The following ZNF814 variants were observed in gnomAD, a reference collection of about 807,000 sequenced individuals.
ZNF814 encodes the protein zinc finger protein 814.
Under a neutral mutation model 7.5 loss-of-function variants are expected in ZNF814, and 5 were observed. The ratio of observed to expected loss-of-function variants is 0.67; its 90% confidence interval spans 0.35 to 1.40. ZNF814 has a LOEUF of 1.40. Among genes scored for constraint, ZNF814 ranks in the 40% most tolerant of loss-of-function variants. The pLI is 0.04. For missense variants in ZNF814, 962 were observed against 1,018.0 expected, an observed-to-expected ratio of 0.94 and a Z score of 0.75; for synonymous variants, 315 against 340.7, an observed-to-expected ratio of 0.92 and a Z score of 0.83.
Position 57,873,949 on chromosome 19 carries a change from G to A in ZNF814, c.1441C>T (p.His481Tyr), listed in dbSNP as rs1282829568. 6 of 1,613,398 alleles carry A rather than the reference G, an allele frequency of 3.7e-6. No individual in the cohort carries two copies. The highest frequency in any genetic ancestry group is 5.1e-6 in the Non-Finnish European group (6 of 1,179,798). Residue 481 changes from histidine to tyrosine, a missense_variant, in exon 3 of 3, where the codon CAC becomes TAC. Transcript: ENST00000435989. Reference protein sequence around the residue: ...KSFSHKRSLVHHQRVHSGERP... With the variant: ...KSFSHKRSLVYHQRVHSGERP... ...TCTCCACTGTGAACTCGCTGATGGT[G>A]AACAAGGCTGCGCTTATGACTGAAA...
rs1207214304 is a variant in ZNF814, at chr19:57,872,040, AG to A, written c.*781del. Among the ~76,000 whole-genome samples, 3 of 152,096 alleles carry A rather than the reference AG, an allele frequency of 2.0e-5. No individual in the cohort carries two copies. The highest frequency in any genetic ancestry group is 7.2e-5 in the African/African-American group (3 of 41,418). On this transcript the variant is annotated 3_prime_UTR_variant, in exon 3 of 3. Transcript: ENST00000435989. The stretch of plus-strand genomic sequence containing the variant: ...AACAGAATCACTTAAGCCCAGATCA[AG>A]GGTGCAGTGAAATGTGAACACACCA...
At chr19:57,886,095 G>A (rs1243631356) in intron 1 of ZNF814, 1 of 150,874 alleles carries the variant, frequency 6.6e-6, no homozygotes, top group Non-Finnish European at 1.5e-5. Context: ...AAAAAATAAA[G>A]AGTCCCACAA....
chr19:57,875,339 A>C, intron 2 of ZNF814, 113 bp from the exon 3 acceptor site: 1 of 1,607,304 alleles, frequency 6.2e-7, no homozygotes, highest in South Asian at 1.1e-5. Context: ...TACTTGGAGG[A>C]ACAGGATGTT....
At position 57,874,114 on chromosome 19, in the gene ZNF814, G is replaced by A. The variant is rs761897245; in HGVS notation, c.1276C>T (p.His426Tyr). 7 of 1,600,012 alleles carry A rather than the reference G, an allele frequency of 4.4e-6. No homozygotes were observed. The highest frequency in any genetic ancestry group is 6.0e-6 in the Non-Finnish European group (7 of 1,173,182). The change falls in exon 3 of 3, where the codon CAT becomes TAT. Residue 426 changes from histidine to tyrosine, a missense_variant. Physicochemically the swap from His to Tyr is moderately conservative, Grantham distance 83. Around this residue, in one of 7 missense-constraint regions of ZNF814, gnomAD observed 665 missense variants for 551.4 expected, o/e 1.21. Transcript: ENST00000435989. Reference protein sequence around the residue: ...SFSQKSSLIQHQRFHTGEKPY... With the variant: ...SFSQKSSLIQYQRFHTGEKPY... Reference sequence around the variant, plus strand: ...TTTTCTCCAGTGTGAAATCGCTGATGTTGAATGAGGCTGCTCTTTTGACTA... The same window carrying A: ...TTTTCTCCAGTGTGAAATCGCTGATATTGAATGAGGCTGCTCTTTTGACTA...
Position 57,874,607 on chromosome 19 carries a change from C to G in ZNF814, c.783G>C (p.Gln261His). The G allele has an allele frequency of 6.4e-7, 1 of 1,552,670 alleles. No homozygotes were observed. Among genetic ancestry groups the G allele is most frequent in the Middle Eastern group, 1.7e-4 (1 of 5,992 alleles). The stretch of plus-strand genomic sequence containing the variant: ...CATGTTTTTTTTCAGTGTGAACTCT[C>G]TGATGATTACTCAAGCTAGCATATT... The part of the protein sequence containing the change: ...FSKYASLSNH[Q>H]RVHTEKKHEC... The change falls in exon 3 of 3, where the codon CAG becomes CAC. Residue 261 changes from glutamine (Q) to histidine (H), a missense_variant. Gln to His is a conservative substitution (Grantham distance 24, BLOSUM62 0). Coordinates refer to ENST00000435989, the MANE Select transcript of ZNF814 (RefSeq NM_001144989.2).
At chr19:57,888,016 G>C (rs1005691340) in intron 1 of ZNF814, among the ~76,000 whole-genome samples, 1 of 152,124 alleles carries the variant, frequency 6.6e-6, no homozygotes, top group Non-Finnish European at 1.5e-5. Flanking sequence ...CTAAACCAAA[G>C]TATAAAAGTT....
the ZNF814 span, among the ~76,000 whole-genome samples, chr19:57,899,174 G>A: frequency 6.6e-6 from 1 of 152,008 alleles, no homozygotes; most frequent in Non-Finnish European, 1.5e-5. Flanking sequence ...AAGAATCAGC[G>A]GATACCATTG....
chr19:57,883,232 C>T (rs2071662930), intron 1 of ZNF814, among the ~76,000 whole-genome samples: 1 of 152,018 alleles, frequency 6.6e-6, no homozygotes, highest in African/African-American at 2.4e-5. Context: ...GTGGCGGGCA[C>T]CTGTAGTCCC....
chr19:57,895,560 G>A, the ZNF814 span, among the ~76,000 whole-genome samples: 2 of 152,030 alleles, frequency 1.3e-5, no homozygotes, highest in Non-Finnish European at 2.9e-5. Context: ...ACAGGTGTGA[G>A]TCACCGCACC....
At chr19:57,896,327 G>T in the ZNF814 span, among the ~76,000 whole-genome samples, 2 of 152,320 alleles carry the variant, frequency 1.3e-5, no homozygotes, top group African/African-American at 4.8e-5. This position sits in a 1 kb window ranked among gnomAD's most constrained non-coding sequence, Gnocchi z 4.2. Context: ...AGATGAGGAA[G>T]ACAAGTGTGT....
intron 1 of ZNF814, among the ~76,000 whole-genome samples, chr19:57,886,315 C>CT (rs2122466587): frequency 6.6e-6 from 1 of 152,262 alleles, no homozygotes; most frequent in East Asian, 1.9e-4. Flanking sequence ...GACTGCTTGT[C>CT]TGACCTGCAT....
At chr19:57,875,690 C>T (rs1215725111) in intron 2 of ZNF814, among the ~76,000 whole-genome samples, 2 of 152,188 alleles carry the variant, frequency 1.3e-5, no homozygotes, top group Non-Finnish European at 2.9e-5. Flanking sequence ...TGGATGAGAT[C>T]TGGGGCCCAG....
chr19:57,873,204 T>C lies in ZNF814; in HGVS notation c.2186A>G (p.Tyr729Cys), dbSNP rs2122418399. Residue 729 changes from tyrosine to cysteine, a missense_variant, in exon 3 of 3, where the codon TAC (tyrosine) becomes TGC (cysteine). By Grantham distance (194) the Tyr-to-Cys change is radical (BLOSUM62 -2). This residue lies in a region of ZNF814 where 665 missense variants were observed against 551.4 expected (regional missense o/e 1.21). Transcript: ENST00000435989. ...EACQKFFRNKYQLIAHQRVHT... is the reference protein window; with the variant it reads ...EACQKFFRNKCQLIAHQRVHT... ...AACTCTCTGATGTGCAATGAGTTGG[T>C]ACTTGTTTCTAAAAAATTTCTGACA... 9 of 1,612,534 alleles carry C rather than the reference T, an allele frequency of 5.6e-6. No homozygotes were observed. Among genetic ancestry groups the C allele is most frequent in the Non-Finnish European group, 7.6e-6 (9 of 1,179,434 alleles).
At chr19:57,900,975 T>G in the ZNF814 span, among the ~76,000 whole-genome samples, 2 of 150,526 alleles carry the variant, frequency 1.3e-5, no homozygotes, top group Non-Finnish European at 3.0e-5. Flanking sequence ...GCCTCCCGAG[T>G]AGCTGGGACT....
intron 1 of ZNF814, among the ~76,000 whole-genome samples, chr19:57,878,065 C>G (rs2071620844): frequency 6.7e-6 from 1 of 148,810 alleles, no homozygotes; most frequent in African/African-American, 2.5e-5. Context: ...ACTTGGGAGG[C>G]TGAGGCAGGA....
At chr19:57,886,821 A>G (rs1444468442) in intron 1 of ZNF814, among the ~76,000 whole-genome samples, 2 of 150,694 alleles carry the variant, frequency 1.3e-5, no homozygotes, top group Non-Finnish European at 3.0e-5. Flanking sequence ...CGGAGGTTGC[A>G]GTGAGCTGAG....
intron 1 of ZNF814, 58 bp downstream of exon 1, chr19:57,888,709 C>G: frequency 2.6e-6 from 4 of 1,547,384 alleles, no homozygotes; most frequent in South Asian, 2.4e-5. Context: ...GCGCTGCTAC[C>G]TCGCTGCTTT....
In ZNF814 at chr19:57,875,138, T is replaced by C; in HGVS notation, c.252A>G (p.Ala84=). 1.9e-6 allele frequency: 3 copies of C among 1,559,420 alleles called. No individual in the cohort carries two copies. The highest frequency in any genetic ancestry group is 2.6e-6 in the Non-Finnish European group (3 of 1,150,348). ...QRETQVRTPM[A]GVSPKKAHPC... ...GGTGGGCCTTCTTGGGAGACACACC[T>C]GCCATAGGAGTCCTGACCTGAGTCT... Residue 84 remains alanine, a synonymous_variant, in exon 3 of 3, where the codon GCA becomes GCG. Transcript: ENST00000435989.
At chr19:57,900,864 T>TTTTTTTTTTTTC in the ZNF814 span, among the ~76,000 whole-genome samples, 8 of 104,778 alleles carry the variant, frequency 7.6e-5, 1 homozygote, top group South Asian at 3.4e-4. Flanking sequence ...TTTTTTTTTT[T>TTTTTTTTTTTTC]TGAGACGGAG....
Sources: gnomAD v4.1 joint callset for allele counts (sites outside exome capture counted in the v4.1 genomes callset) on GRCh38, gnomAD v4.1.1 for gene constraint, gnomAD v4.1.1 regional missense constraint, Gnocchi (gnomAD v3.1) non-coding constraint, MANE v1.5 for transcripts, NCBI Gene and HGNC (gene_info 2026-07-23, HGNC 2026-07-21) for gene names.